ERBB4: variants seen among roughly 807,000 people sequenced by gnomAD.
ERBB4 encodes erb-b2 receptor tyrosine kinase 4.
Under a neutral mutation model 158.0 loss-of-function variants are expected in ERBB4, and 42 were observed. The ratio of observed to expected loss-of-function variants is 0.27; its 90% CI spans 0.21 to 0.34. The LOEUF is 0.34. Among genes scored for constraint, ERBB4 ranks in the 10% least tolerant of loss-of-function variants. The pLI, the probability that ERBB4 is intolerant of heterozygous loss-of-function variation, is 1.00. For synonymous variants in ERBB4, 583 were observed against 558.7 expected, an observed-to-expected ratio of 1.04 and a Z score of -0.61; for missense variants, 1,333 against 1,624.1, an observed-to-expected ratio of 0.82 and a Z score of 3.08.
chr2:211,432,743 G>A (rs1014735768), intron 20 of ERBB4, among the ~76,000 whole-genome samples: 1 of 151,868 alleles, frequency 6.6e-6, no homozygotes, highest in Non-Finnish European at 1.5e-5. Flanking sequence ...ATCAGAACAC[G>A]GAATATATGT....
chr2:212,274,690 G>A (rs2085462364), intron 1 of ERBB4, among the ~76,000 whole-genome samples: 1 of 151,636 alleles, frequency 6.6e-6, no homozygotes, highest in South Asian at 2.1e-4. Context: ...CTTATAATAG[G>A]TTTGTGTATA....
intron 1 of ERBB4, among the ~76,000 whole-genome samples, chr2:212,412,154 C>T (rs2091518210): frequency 6.6e-6 from 1 of 152,160 alleles, no homozygotes; most frequent in African/African-American, 2.4e-5. Flanking sequence ...GAAATCAAAG[C>T]TTACAAGAAT....
In ERBB4 at chr2:211,725,163, G is replaced by T. The variant is rs781528015; in HGVS notation, c.654C>A (p.Asp218Glu). The T allele has an allele frequency of 1.2e-6, 2 of 1,613,882 alleles. No homozygotes were observed. Among genetic ancestry groups the T allele is most frequent in the Admixed American group, 3.3e-5 (2 of 60,008 alleles). Residue 218 changes from aspartate to glutamate, a missense_variant, in exon 6 of 28, where the codon GAC (aspartate) becomes GAA (glutamate). Coordinates refer to ENST00000342788, the MANE Select transcript of ERBB4 (RefSeq NM_005235.3). ...LTRTVCAEQC[D>E]GRCYGPYVSD... Reference sequence around the variant, plus strand: ...TGACGTAAGGTCCGTAGCATCTGCCGTCACATTGTTCTGCACACACCGTCC... The same window carrying T: ...TGACGTAAGGTCCGTAGCATCTGCCTTCACATTGTTCTGCACACACCGTCC...
chr2:211,845,194 G>A (rs992848994), intron 3 of ERBB4, among the ~76,000 whole-genome samples: 1 of 152,058 alleles, frequency 6.6e-6, no homozygotes, highest in Non-Finnish European at 1.5e-5. Flanking sequence ...TGAATACTGA[G>A]CAATTGTCCT....
intron 1 of ERBB4, among the ~76,000 whole-genome samples, chr2:212,274,963 C>T (rs888138499): frequency 6.6e-6 from 1 of 151,884 alleles, no homozygotes; most frequent in African/African-American, 2.4e-5. Context: ...TGATGTTCCC[C>T]TCCCTGTGTC....
At chr2:212,245,061 T>C (rs2084260803) in intron 1 of ERBB4, among the ~76,000 whole-genome samples, 1 of 152,134 alleles carries the variant, frequency 6.6e-6, no homozygotes, top group Non-Finnish European at 1.5e-5. Flanking sequence ...AAAAAAACTC[T>C]CAGAAGTCTA....
At chr2:212,288,277 G>T (rs1214651481) in intron 1 of ERBB4, among the ~76,000 whole-genome samples, 1 of 152,054 alleles carries the variant, frequency 6.6e-6, no homozygotes, top group Non-Finnish European at 1.5e-5. Flanking sequence ...TGCTAATACC[G>T]CGAGGCACAC....
chr2:212,186,256 C>A (rs2082014039), intron 1 of ERBB4, among the ~76,000 whole-genome samples: 1 of 152,066 alleles, frequency 6.6e-6, no homozygotes, highest in South Asian at 2.1e-4. Context: ...TACCTTGTGC[C>A]ATCTTTGTTA....
chr2:212,081,461 C>T (rs1361550545), intron 2 of ERBB4, among the ~76,000 whole-genome samples: 1 of 152,070 alleles, frequency 6.6e-6, no homozygotes. Flanking sequence ...CATGTAATGC[C>T]ATCACACTAA....
intron 16 of ERBB4, among the ~76,000 whole-genome samples, chr2:211,643,146 G>A (rs1348675906): frequency 6.6e-6 from 1 of 152,072 alleles, no homozygotes; most frequent in African/African-American, 2.4e-5. Context: ...AAAACGTTAA[G>A]TAACAACTTC....
chr2:212,005,462 C>G (rs1276150326), intron 2 of ERBB4, among the ~76,000 whole-genome samples: 1 of 152,104 alleles, frequency 6.6e-6, no homozygotes, highest in Non-Finnish European at 1.5e-5. Flanking sequence ...ATGTAATGCT[C>G]TGTAATAGCG....
intron 1 of ERBB4, among the ~76,000 whole-genome samples, chr2:212,471,503 A>G (rs979864759): frequency 6.6e-6 from 1 of 151,932 alleles, no homozygotes; most frequent in East Asian, 1.9e-4. Context: ...AACATTGAAA[A>G]TTAAGTATGA....
At chr2:211,839,644 C>G (rs1198103680) in intron 3 of ERBB4, among the ~76,000 whole-genome samples, 1 of 152,022 alleles carries the variant, frequency 6.6e-6, no homozygotes, top group Non-Finnish European at 1.5e-5. Flanking sequence ...CATAAATATT[C>G]TATAATCCAA....
intron 1 of ERBB4, among the ~76,000 whole-genome samples, chr2:212,286,251 A>G (rs980278955): frequency 6.6e-6 from 1 of 152,184 alleles, no homozygotes; most frequent in Non-Finnish European, 1.5e-5. Flanking sequence ...AATACAACCA[A>G]TATCAGAAGG....
At chr2:212,298,916 G>C (rs1199092991) in intron 1 of ERBB4, among the ~76,000 whole-genome samples, 3 of 151,686 alleles carry the variant, frequency 2.0e-5, no homozygotes, top group African/African-American at 7.2e-5. Context: ...TCTTCATCTG[G>C]AAATAATAGT....
At chr2:212,363,869 C>A (rs142775022) in intron 1 of ERBB4, among the ~76,000 whole-genome samples, 56 of 151,682 alleles carry the variant, frequency 3.7e-4, no homozygotes, top group African/African-American at 1.1e-3. Context: ...TCCATGAATT[C>A]CACTATAGAT....
chr2:211,895,766 A>T (rs2079082258), intron 3 of ERBB4, among the ~76,000 whole-genome samples: 2 of 152,150 alleles, frequency 1.3e-5, no homozygotes, highest in Non-Finnish European at 2.9e-5. Context: ...CTGATCCTTC[A>T]ATTGTCCCTG....
chr2:211,566,909 T>C (rs1407435688), intron 19 of ERBB4, among the ~76,000 whole-genome samples: 1 of 152,172 alleles, frequency 6.6e-6, no homozygotes, highest in Non-Finnish European at 1.5e-5. Flanking sequence ...CACTCCCAGA[T>C]ACTCAGGTTT....
intron 25 of ERBB4, among the ~76,000 whole-genome samples, chr2:211,398,644 C>T (rs1010549888): frequency 1.7e-4 from 26 of 151,994 alleles, no homozygotes; most frequent in Middle Eastern, 3.2e-3. Flanking sequence ...AGTTCAAGAC[C>T]AGATGGTGAA....
Sources: allele counts gnomAD v4.1 joint callset (sites outside exome capture counted in the v4.1 genomes callset), GRCh38; gene constraint gnomAD v4.1.1; transcripts MANE v1.5; gene names NCBI Gene and HGNC (gene_info 2026-07-23, HGNC 2026-07-21).